Variants in VPS13B observed in about 807,000 individuals in gnomAD.
VPS13B encodes the protein vacuolar protein sorting 13 homolog B.
A neutral mutation model predicts 426.4 loss-of-function variants in VPS13B; 285 were observed. The ratio of observed to expected loss-of-function variants is 0.67; its 90% confidence interval spans 0.61 to 0.74. The LOEUF is 0.74. VPS13B is among the 30% of genes least tolerant of loss of function. The pLI, the probability that VPS13B is intolerant of heterozygous loss-of-function variation, is 0.00. For synonymous variants in VPS13B, 1,676 were observed against 1,676.4 expected (o/e 1.00, Z 0.01); for missense variants, 4,537 against 4,782.6 (o/e 0.95, Z 1.51).
intron 54 of VPS13B, among the ~76,000 whole-genome samples, chr8:99,836,190 ATGTCTTGATTTGTTTC>A (rs35858758): frequency 0.023 from 3,430 of 152,256 alleles, 54 homozygotes; most frequent in Non-Finnish European, 0.036. Flanking sequence ...AGCAGATAAA[ATGTCTTGATTTGTTTC>A]TGTCTTCGTC....
chr8:99,224,099 T>A (rs1815882936), intron 17 of VPS13B, among the ~76,000 whole-genome samples: 1 of 152,140 alleles, frequency 6.6e-6, no homozygotes, highest in African/African-American at 2.4e-5. Context: ...AGACTTTAGG[T>A]CTGTGAGGTT....
At chr8:99,677,070 C>A (rs574521353) in intron 35 of VPS13B, among the ~76,000 whole-genome samples, 1 of 152,222 alleles carries the variant, frequency 6.6e-6, no homozygotes, top group African/African-American at 2.4e-5. Flanking sequence ...GAGCCGAGAT[C>A]GTGTCATTGC....
rs984673493 is a variant in VPS13B at position 99,866,490 on chromosome 8, A to T, written c.11216-1799A>T. On this transcript the variant is annotated intron_variant, in intron 58 of 61. Transcript: ENST00000357162. ...CACAGCTCCCTCTCTGACTCTCAGA[A>T]TCTAACACCTTGTCATGGGACTCAG... 3.3e-5 allele frequency among the ~76,000 whole-genome samples: 5 copies of T among 152,356 alleles called. No individual in the cohort carries two copies. In the East Asian group the frequency reaches 9.6e-4, roughly 29 times the overall value.
intron 19 of VPS13B, among the ~76,000 whole-genome samples, chr8:99,294,927 G>A (rs1429716989): frequency 6.6e-6 from 1 of 152,164 alleles, no homozygotes. Context: ...CATGTGGCTG[G>A]TGGTGGCTGT....
chr8:99,545,730 G>A (rs1321133452), intron 30 of VPS13B, among the ~76,000 whole-genome samples: 1 of 151,958 alleles, frequency 6.6e-6, no homozygotes, highest in Non-Finnish European at 1.5e-5. Context: ...GATTATCTTA[G>A]TACTAGATAT....
intron 3 of VPS13B, among the ~76,000 whole-genome samples, chr8:99,065,328 T>A (rs1056928722): frequency 6.6e-6 from 1 of 152,190 alleles, no homozygotes; most frequent in African/African-American, 2.4e-5. Context: ...TCAAGTCGGC[T>A]TCATCCCTGG....
chr8:99,630,583 C>T (rs150067586), intron 33 of VPS13B, among the ~76,000 whole-genome samples: 1,582 of 151,792 alleles, frequency 0.01, 17 homozygotes, highest in South Asian at 0.028. Flanking sequence ...CCCTCCCTCC[C>T]TCCCTCCCTC....
chr8:99,377,122 C>T (rs1813532705), intron 19 of VPS13B, among the ~76,000 whole-genome samples: 1 of 151,996 alleles, frequency 6.6e-6, no homozygotes, highest in Non-Finnish European at 1.5e-5. Flanking sequence ...TCTTTATCTT[C>T]ACTTGTTTAC....
At chr8:99,090,973 T>G (rs373104394) in intron 3 of VPS13B, among the ~76,000 whole-genome samples, 5 of 152,130 alleles carry the variant, frequency 3.3e-5, no homozygotes, top group African/African-American at 1.2e-4. Flanking sequence ...GGCAATCGGA[T>G]ACACACCCAC....
intron 24 of VPS13B, 109 bp downstream of exon 24, chr8:99,467,743 T>A: frequency 8.4e-7 from 1 of 1,186,172 alleles, no homozygotes; most frequent in South Asian, 1.3e-5. Flanking sequence ...TAAATTATTT[T>A]TAACTTGGCC....
At chr8:99,784,506 A>G in intron 43 of VPS13B, 30 bp downstream of exon 43, 1 of 1,613,118 alleles carries the variant, frequency 6.2e-7, no homozygotes, top group Admixed American at 1.7e-5. Flanking sequence ...ACAAACAGCC[A>G]TTGTTAAGGT....
chr8:99,361,524 C>G (rs1373456903), intron 19 of VPS13B, among the ~76,000 whole-genome samples: 1 of 152,118 alleles, frequency 6.6e-6, no homozygotes, highest in Non-Finnish European at 1.5e-5. Flanking sequence ...TAAAGACCTG[C>G]TATAAAGACC....
intron 30 of VPS13B, among the ~76,000 whole-genome samples, chr8:99,533,027 C>T (rs1823013279): frequency 6.7e-6 from 1 of 150,358 alleles, no homozygotes; most frequent in Non-Finnish European, 1.5e-5. Context: ...GCAGCCTCCA[C>T]CTCCCGGGTT....
Position 99,871,464 on chromosome 8 carries a change from C to G in VPS13B, c.11512C>G (p.Leu3838Val). The change falls in exon 61 of 62, where the codon CTG becomes GTG. Residue 3838 changes from leucine to valine, a missense_variant. Physicochemically the swap from Leu to Val is conservative, Grantham distance 32. This residue lies in a region of VPS13B where 4,311 missense variants were observed against 4,474.3 expected (regional missense o/e 0.96). Transcript: ENST00000357162. The part of the protein sequence containing the change: ...VKYVWKMLQS[L>V]GRPEVHMALD... ...TTTAAACAGGAAAATGCTTCAGTCT[C>G]TGGGCAGACCAGAAGTCCACATGGC... 6.2e-7 allele frequency: 1 copy of G among 1,614,192 alleles called. No homozygotes were observed. Among genetic ancestry groups the G allele is most frequent in the Non-Finnish European group, 8.5e-7 (1 of 1,180,038 alleles).
chr8:99,250,854 A>G (rs1287185998), intron 17 of VPS13B, among the ~76,000 whole-genome samples: 1 of 151,472 alleles, frequency 6.6e-6, no homozygotes, highest in Non-Finnish European at 1.5e-5. Context: ...TTCTTTCATC[A>G]GCACTTTTAG....
chr8:99,308,730 G>A lies in VPS13B; in HGVS notation c.2824+33476G>A, dbSNP rs918547723. Among the ~76,000 whole-genome samples the A allele has an allele frequency of 7.2e-5, 11 of 152,144 alleles. No individual in the cohort carries two copies. The East Asian group carries it at 1.3e-3, about 19-fold the overall frequency. On this transcript the variant is annotated intron_variant, in intron 19 of 61. Transcript: ENST00000357162. ...TGGCTGGGTCAAATGGTAATTTCTA[G>A]TTCTAGATCCCTGAGGAATCGCCAC... is the stretch of plus-strand genomic sequence containing the variant.
intron 21 of VPS13B, among the ~76,000 whole-genome samples, chr8:99,409,989 A>G (rs183025198): frequency 1.3e-5 from 2 of 152,300 alleles, no homozygotes; most frequent in Non-Finnish European, 2.9e-5. Context: ...ATGCAAAGGC[A>G]TACAGAGTGG....
At chr8:99,278,715 C>A (rs992842236) in intron 19 of VPS13B, among the ~76,000 whole-genome samples, 1 of 152,208 alleles carries the variant, frequency 6.6e-6, no homozygotes, top group Non-Finnish European at 1.5e-5. Flanking sequence ...AAGTTCCTAA[C>A]GTAACGGATC....
chr8:99,490,832 T>C (rs1820568400), intron 25 of VPS13B, among the ~76,000 whole-genome samples: 1 of 152,206 alleles, frequency 6.6e-6, no homozygotes, highest in South Asian at 2.1e-4. Flanking sequence ...ATCTACTCTG[T>C]TGATCTTTTC....
Sources: gnomAD v4.1 joint callset for allele counts (sites outside exome capture counted in the v4.1 genomes callset) on GRCh38, gnomAD v4.1.1 for gene constraint, gnomAD v4.1.1 regional missense constraint, MANE v1.5 for transcripts, NCBI Gene and HGNC (gene_info 2026-07-23, HGNC 2026-07-21) for gene names.